Variants in NARS2 observed in about 807,000 individuals in gnomAD.
NARS2 encodes the protein asparaginyl-tRNA synthetase.
Under a neutral mutation model 62.9 loss-of-function variants are expected in NARS2, and 60 were observed. That is an observed-to-expected ratio of 0.95 (90% CI 0.77 to 1.18). The LOEUF (loss-of-function observed/expected upper bound fraction) is 1.18. Ranked by LOEUF, NARS2 falls within the 50% of genes most tolerant of loss-of-function variation. NARS2 has a pLI of 0.00. For missense variants in NARS2, 619 were observed against 576.4 expected, an observed-to-expected ratio of 1.07 and a Z score of -0.76; for synonymous variants, 196 against 200.0, an observed-to-expected ratio of 0.98 and a Z score of 0.17.
At chr11:78,444,727 C>CAAAGAA (rs56788561) in intron 11 of NARS2, among the ~76,000 whole-genome samples, 14 of 92,416 alleles carry the variant, frequency 1.5e-4, no homozygotes, top group South Asian at 3.3e-4. Context: ...TCAAACAAAA[C>CAAAGAA]AAAAAAAAAA....
chr11:78,524,411 C>A (rs549851221), intron 6 of NARS2, among the ~76,000 whole-genome samples: 119 of 152,122 alleles, frequency 7.8e-4, no homozygotes, highest in African/African-American at 2.8e-3. Context: ...AAGAGAAAAG[C>A]ATCAGTTTTA....
intron 4 of NARS2, among the ~76,000 whole-genome samples, chr11:78,564,764 T>C (rs999269985): frequency 2.0e-5 from 3 of 152,250 alleles, no homozygotes; most frequent in Non-Finnish European, 4.4e-5. Flanking sequence ...TGACAGCATG[T>C]GTAACTGGAC....
intron 6 of NARS2, among the ~76,000 whole-genome samples, chr11:78,496,193 T>C (rs1860049835): frequency 6.6e-6 from 1 of 152,210 alleles, no homozygotes; most frequent in African/African-American, 2.4e-5. Flanking sequence ...ATCTAATCTT[T>C]AAGCAGATGA....
At chr11:78,519,076 AG>A (rs1861018079) in intron 6 of NARS2, among the ~76,000 whole-genome samples, 1 of 152,204 alleles carries the variant, frequency 6.6e-6, no homozygotes, top group East Asian at 1.9e-4. Context: ...TTCAGTATCA[AG>A]GGAATGAAGA....
chr11:78,504,197 G>A (rs1437429560), intron 6 of NARS2, among the ~76,000 whole-genome samples: 1 of 152,164 alleles, frequency 6.6e-6, no homozygotes, highest in Non-Finnish European at 1.5e-5. Flanking sequence ...AGAATCAGGA[G>A]GAAAGCCCAG....
chr11:78,559,281 C>T (rs933827596), intron 5 of NARS2, among the ~76,000 whole-genome samples: 2 of 106,974 alleles, frequency 1.9e-5, no homozygotes, highest in Admixed American at 1.6e-4. Context: ...CCAGCCTGGC[C>T]ACAGAGTGAG....
intron 6 of NARS2, among the ~76,000 whole-genome samples, chr11:78,498,721 T>C (rs553298447): frequency 6.6e-6 from 1 of 151,446 alleles, no homozygotes; most frequent in Middle Eastern, 3.4e-3. Flanking sequence ...ATATGCTCTT[T>C]AATAACACCA....
intron 5 of NARS2, among the ~76,000 whole-genome samples, chr11:78,557,407 G>T (rs1856392211): frequency 6.6e-6 from 1 of 152,224 alleles, no homozygotes; most frequent in Non-Finnish European, 1.5e-5. Context: ...AAGTATGTGA[G>T]GTGGGATAAG....
chr11:78,499,732 A>G (rs543425725), intron 6 of NARS2, among the ~76,000 whole-genome samples: 58 of 152,344 alleles, frequency 3.8e-4, no homozygotes, highest in Middle Eastern at 3.4e-3. Flanking sequence ...ACACAGCAGT[A>G]TATGATTCTT....
rs990069838 is a variant in NARS2, at chr11:78,509,133, T to C, written c.690-15938A>G. On this transcript the variant is annotated intron_variant, in intron 6 of 13. Coordinates refer to ENST00000281038, the MANE Select transcript of NARS2 (RefSeq NM_024678.6). Reference sequence around the variant, plus strand: ...AAAGGAAAAAAAAAAAAAAAAAGATTATCAACAGATTCCTCATCAGAAACT... The same window carrying C: ...AAAGGAAAAAAAAAAAAAAAAAGATCATCAACAGATTCCTCATCAGAAACT... Among the ~76,000 whole-genome samples, 3 of 151,196 alleles carry C rather than the reference T, an allele frequency of 2.0e-5. No individual in the cohort carries two copies. The South Asian group carries it at 6.2e-4, about 31-fold the overall frequency.
rs1347945874 is a variant in NARS2, at chr11:78,436,766, C to G, written c.1338G>C (p.Gly446=). The G allele has an allele frequency of 6.2e-7, 1 of 1,614,178 alleles. No individual in the cohort carries two copies. The highest frequency in any genetic ancestry group is 1.1e-5 in the South Asian group (1 of 91,082). The change falls in exon 14 of 14, where the codon GGG becomes GGC. Residue 446 remains glycine (G), a synonymous_variant. Coordinates refer to ENST00000281038, the MANE Select transcript of NARS2 (RefSeq NM_024678.6). ...RFGSVPHGGF[G]MGFERYLQCI... ...ACTGCAGGTAGCGTTCAAATCCCAT[C>G]CCAAAACCTCCATGTGGCACAGATC...
At chr11:78,566,372 T>A in intron 3 of NARS2, 100 bp from the exon 4 acceptor site, 1 of 902,104 alleles carries the variant, frequency 1.1e-6, no homozygotes, top group Non-Finnish European at 1.6e-6. Context: ...GGAACCAAAC[T>A]AAGATCCTTT....
chr11:78,484,140 A>G (rs1859473544), intron 7 of NARS2, among the ~76,000 whole-genome samples: 1 of 152,208 alleles, frequency 6.6e-6, no homozygotes, highest in African/African-American at 2.4e-5. Context: ...GAAATGGGGA[A>G]AGGATTCTCT....
At chr11:78,561,581 T>C (rs1009577789) in intron 4 of NARS2, among the ~76,000 whole-genome samples, 1 of 152,210 alleles carries the variant, frequency 6.6e-6, no homozygotes, top group Non-Finnish European at 1.5e-5. Context: ...CCCAAAATTA[T>C]AAAGTTCATA....
intron 6 of NARS2, among the ~76,000 whole-genome samples, chr11:78,524,484 CTAATAA>C (rs1861230214): frequency 6.6e-6 from 1 of 152,100 alleles, no homozygotes. Flanking sequence ...ACAAATCCCT[CTAATAA>C]TAATAAACAT....
intron 6 of NARS2, among the ~76,000 whole-genome samples, chr11:78,522,977 C>T (rs1055101138): frequency 3.3e-5 from 5 of 152,042 alleles, no homozygotes; most frequent in African/African-American, 1.2e-4. Context: ...AGTTTGCCAA[C>T]ATCAAGGATG....
intron 11 of NARS2, among the ~76,000 whole-genome samples, chr11:78,457,990 G>A (rs1858235276): frequency 6.6e-6 from 1 of 152,096 alleles, no homozygotes; most frequent in Non-Finnish European, 1.5e-5. Flanking sequence ...GAAGGGTGGG[G>A]AGAGGTTGGT....
intron 5 of NARS2, among the ~76,000 whole-genome samples, chr11:78,538,675 T>A (rs1200182681): frequency 2.0e-5 from 3 of 151,938 alleles, no homozygotes; most frequent in Non-Finnish European, 1.5e-5. Context: ...GACTGTAGCT[T>A]GAGGGACTCA....
At chr11:78,441,008 T>A in intron 13 of NARS2, 83 bp downstream of exon 13, 1 of 1,230,660 alleles carries the variant, frequency 8.1e-7, no homozygotes, top group Non-Finnish European at 1.2e-6. Context: ...TTTCATGGGG[T>A]CTTGGGGATA....
Sources: allele counts gnomAD v4.1 joint callset (sites outside exome capture counted in the v4.1 genomes callset), GRCh38; gene constraint gnomAD v4.1.1; transcripts MANE v1.5; gene names NCBI Gene and HGNC (gene_info 2026-07-23, HGNC 2026-07-21).